The following MYO3A variants were observed in gnomAD, a reference collection of about 807,000 sequenced individuals.
MYO3A encodes myosin-IIIa.
A neutral mutation model predicts 192.7 loss-of-function variants in MYO3A; 180 were observed. That is an observed-to-expected ratio of 0.93 (90% CI 0.83 to 1.06). The LOEUF (loss-of-function observed/expected upper bound fraction) is 1.06, where lower values mean the gene tolerates loss of function less well. Among genes scored for constraint, MYO3A ranks in the 50% least tolerant of loss-of-function variants. MYO3A has a pLI of 0.00. For synonymous variants in MYO3A, 628 were observed against 645.3 expected (o/e 0.97, Z 0.41); for missense variants, 1,896 against 1,905.0 (o/e 1.00, Z 0.09).
intron 10 of MYO3A, among the ~76,000 whole-genome samples, chr10:26,048,729 G>A (rs1046218076): frequency 6.6e-6 from 1 of 152,156 alleles, no homozygotes; most frequent in Non-Finnish European, 1.5e-5. Context: ...AATTTGATAT[G>A]CCATTTAAAT....
chr10:26,020,867 T>C (rs1041854292), intron 7 of MYO3A, among the ~76,000 whole-genome samples: 3 of 152,234 alleles, frequency 2.0e-5, no homozygotes, highest in Non-Finnish European at 2.9e-5. Flanking sequence ...ATTACTGACA[T>C]GTTTTAAAAC....
chr10:26,079,352 C>G (rs1835781246), intron 14 of MYO3A, among the ~76,000 whole-genome samples: 1 of 152,074 alleles, frequency 6.6e-6, no homozygotes, highest in Admixed American at 6.5e-5. Flanking sequence ...GCATGAAATG[C>G]CTTTTTCCAC....
intron 29 of MYO3A, 40 bp downstream of exon 29, chr10:26,170,579 A>T: frequency 6.3e-7 from 1 of 1,578,904 alleles, no homozygotes; most frequent in Non-Finnish European, 8.6e-7. Flanking sequence ...TAACATATAG[A>T]TTTTTCAGAT....
chr10:25,939,535 A>T (rs1836336733), intron 2 of MYO3A, among the ~76,000 whole-genome samples: 1 of 152,018 alleles, frequency 6.6e-6, no homozygotes, highest in African/African-American at 2.4e-5. Flanking sequence ...AGTCTATTTT[A>T]AAATGTTCAT....
At chr10:25,989,239 C>T (rs1190825731) in intron 4 of MYO3A, among the ~76,000 whole-genome samples, 1 of 150,810 alleles carries the variant, frequency 6.6e-6, no homozygotes, top group Non-Finnish European at 1.5e-5. Flanking sequence ...GCCACTGCAC[C>T]CAGCCAAACT....
chr10:26,065,488 G>A (rs1380949719), intron 10 of MYO3A, among the ~76,000 whole-genome samples: 1 of 149,656 alleles, frequency 6.7e-6, no homozygotes, highest in Non-Finnish European at 1.5e-5. Flanking sequence ...GGGAAGCTGA[G>A]GCAGGAGAAT....
intron 17 of MYO3A, among the ~76,000 whole-genome samples, chr10:26,106,984 CT>C (rs1837847447): frequency 1.3e-5 from 2 of 151,492 alleles, no homozygotes; most frequent in East Asian, 3.9e-4. Context: ...GAGCTTTTTT[CT>C]TTTTTTCTTT....
chr10:26,026,377 G>T lies in MYO3A; in HGVS notation c.798G>T (p.Lys266Asn). 3 of 1,614,044 alleles carry T rather than the reference G, an allele frequency of 1.9e-6. No individual in the cohort carries two copies. The highest frequency in any genetic ancestry group is 1.6e-4 in the Middle Eastern group (1 of 6,062). Residue 266 changes from lysine (K) to asparagine (N), a missense_variant and splice_region_variant, in exon 10 of 35, where the codon AAG becomes AAT. Coordinates refer to ENST00000642920, the MANE Select transcript of MYO3A (RefSeq NM_017433.5). ...WSAEFNDFIS[K>N]CLTKDYEKRP... ...TGCATGTTCTTTTTTGCCAGTGCAG[G>T]TGCTTGACTAAAGATTATGAAAAGC...
chr10:25,948,242 G>A (rs1189047434), intron 2 of MYO3A, among the ~76,000 whole-genome samples: 1 of 152,086 alleles, frequency 6.6e-6, no homozygotes, highest in African/African-American at 2.4e-5. Context: ...TATTAAAGAA[G>A]AATTAGGTGC....
At chr10:26,086,835 G>A (rs1588929240) in intron 14 of MYO3A, among the ~76,000 whole-genome samples, 2 of 152,028 alleles carry the variant, frequency 1.3e-5, no homozygotes, top group South Asian at 2.1e-4. Flanking sequence ...TTTTCTCACG[G>A]GTCTTTGCTA....
At chr10:26,143,402 A>G in intron 20 of MYO3A, 46 bp from the exon 21 acceptor site, 1 of 1,553,616 alleles carries the variant, frequency 6.4e-7, no homozygotes, top group East Asian at 2.3e-5. Flanking sequence ...ATTACTATGA[A>G]GCTATATATT....
At chr10:26,169,497 A>G (rs1291253728) in intron 28 of MYO3A, among the ~76,000 whole-genome samples, 1 of 152,142 alleles carries the variant, frequency 6.6e-6, no homozygotes, top group East Asian at 1.9e-4. Flanking sequence ...CTATACACAC[A>G]CACACTACAA....
intron 4 of MYO3A, among the ~76,000 whole-genome samples, chr10:25,966,667 A>G (rs1838287059): frequency 6.6e-6 from 1 of 152,212 alleles, no homozygotes; most frequent in African/African-American, 2.4e-5. Context: ...CTTGAACCCC[A>G]TGCAGCAAAA....
intron 2 of MYO3A, among the ~76,000 whole-genome samples, chr10:25,940,059 A>G (rs1054988740): frequency 6.6e-6 from 1 of 151,984 alleles, no homozygotes; most frequent in Admixed American, 6.5e-5. Flanking sequence ...TGGTACCATT[A>G]TTGTACTTCC....
rs1485863635 is a variant in MYO3A at position 26,157,380 on chromosome 10, A to G, written c.2864A>G (p.Asn955Ser). 3 of 1,614,076 alleles carry G rather than the reference A, an allele frequency of 1.9e-6. No individual in the cohort carries two copies. Among genetic ancestry groups the G allele is most frequent in the African/African-American group, 2.7e-5 (2 of 74,942 alleles). The change falls in exon 26 of 35, where the codon AAT (asparagine) becomes AGT (serine). Residue 955 changes from asparagine (N) to serine (S), a missense_variant. Physicochemically the swap from Asn to Ser is conservative, Grantham distance 46. Coordinates refer to ENST00000642920, the MANE Select transcript of MYO3A (RefSeq NM_017433.5). ...CATTTTGTCCGTTGCATCAAACCAA[A>G]TAGTGAGCGTCAGGCAAGAAAATAT... is the stretch of plus-strand genomic sequence containing the variant. ...QPHFVRCIKP[N>S]SERQARKYDK...
intron 17 of MYO3A, among the ~76,000 whole-genome samples, chr10:26,099,585 A>G (rs947394609): frequency 2.0e-5 from 3 of 152,340 alleles, no homozygotes; most frequent in African/African-American, 2.4e-5. Context: ...GATATGAACC[A>G]TCAATACCTA....
chr10:26,120,756 C>G lies in MYO3A; in HGVS notation c.1857C>G (p.His619Gln). Residue 619 changes from histidine (H) to glutamine (Q), a missense_variant, in exon 18 of 35, where the codon CAC becomes CAG. His to Gln is a conservative substitution (Grantham distance 24). Coordinates refer to ENST00000642920, the MANE Select transcript of MYO3A (RefSeq NM_017433.5). The stretch of plus-strand genomic sequence containing the variant: ...AATTTTCTTCTGTGGCAACTGAACA[C>G]CAGATTGACAAGAGCCACATTTCTA... ...NIEFSSVATEHQIDKSHISNH... is the reference protein window; with the variant it reads ...NIEFSSVATEQQIDKSHISNH... The G allele has an allele frequency of 6.2e-7, 1 of 1,614,024 alleles. No homozygotes were observed. The highest frequency in any genetic ancestry group is 1.3e-5 in the African/African-American group (1 of 75,012).
At chr10:26,128,144 T>A (rs1839321126) in intron 19 of MYO3A, among the ~76,000 whole-genome samples, 1 of 152,198 alleles carries the variant, frequency 6.6e-6, no homozygotes, top group Non-Finnish European at 1.5e-5. Context: ...TGTTTCAGTG[T>A]ATAAAAGTAT....
chr10:26,081,132 T>TGCCCCCCCCCC (rs1564528977), intron 14 of MYO3A, among the ~76,000 whole-genome samples: 1 of 58,022 alleles, frequency 1.7e-5, no homozygotes, highest in African/African-American at 6.6e-5. Flanking sequence ...TTATATGCCC[T>TGCCCCCCCCCC]TCCCCCCCCC....
Sources: allele counts gnomAD v4.1 joint callset (sites outside exome capture counted in the v4.1 genomes callset), GRCh38; gene constraint gnomAD v4.1.1; transcripts MANE v1.5; gene names NCBI Gene and HGNC (gene_info 2026-07-23, HGNC 2026-07-21).